The following SMOC1 variants were observed in gnomAD, a reference collection of about 807,000 sequenced individuals.
SMOC1 encodes the protein SPARC-related modular calcium-binding protein 1.
A neutral mutation model predicts 56.3 loss-of-function variants in SMOC1; 22 were observed. That is an observed-to-expected ratio of 0.39 (90% CI 0.28 to 0.56). The LOEUF is 0.56. Ranked by LOEUF, SMOC1 falls within the 20% of genes least tolerant of loss-of-function variation. The pLI, the probability that SMOC1 is intolerant of heterozygous loss-of-function variation, is 0.61. For synonymous variants in SMOC1, 193 were observed against 215.0 expected, an observed-to-expected ratio of 0.90 and a Z score of 0.89; for missense variants, 509 against 565.4, an observed-to-expected ratio of 0.90 and a Z score of 1.01.
At chr14:69,969,439 A>AGAGCAG (rs1016242644) in intron 3 of SMOC1, among the ~76,000 whole-genome samples, 4 of 151,122 alleles carry the variant, frequency 2.6e-5, no homozygotes, top group African/African-American at 4.9e-5. Context: ...TCACATGGCC[A>AGAGCAG]GAGCAGGAGC....
chr14:69,978,596 G>A (rs1884059085), intron 5 of SMOC1, among the ~76,000 whole-genome samples: 1 of 152,146 alleles, frequency 6.6e-6, no homozygotes, highest in Non-Finnish European at 1.5e-5. Flanking sequence ...CTTTTGTGAG[G>A]TGTACTATGT....
At chr14:69,988,249 T>A (rs1268593459) in intron 5 of SMOC1, among the ~76,000 whole-genome samples, 3 of 151,944 alleles carry the variant, frequency 2.0e-5, no homozygotes, top group Non-Finnish European at 4.4e-5. Context: ...TTTGCCTTTT[T>A]TCTCCCTCCC....
At chr14:69,977,577 G>A (rs1884011185) in intron 4 of SMOC1, among the ~76,000 whole-genome samples, 1 of 152,180 alleles carries the variant, frequency 6.6e-6, no homozygotes, top group Non-Finnish European at 1.5e-5. Context: ...GTGAGAAGTT[G>A]GGGAGATGGG....
intron 7 of SMOC1, among the ~76,000 whole-genome samples, chr14:70,010,129 C>T (rs538918324): frequency 6.6e-6 from 1 of 152,322 alleles, no homozygotes; most frequent in East Asian, 1.9e-4. Flanking sequence ...TGTTTTCTCT[C>T]CAATTGGATG....
intron 7 of SMOC1, among the ~76,000 whole-genome samples, chr14:70,000,025 G>C (rs987103043): frequency 6.6e-6 from 1 of 152,158 alleles, no homozygotes; most frequent in African/African-American, 2.4e-5. Flanking sequence ...TTTGGCCTCT[G>C]CTGCTAAGAC....
rs533884994 is a variant in SMOC1 at position 69,879,568 on chromosome 14, G to A, written c.-111G>A. 1.0e-4 allele frequency: 87 copies of A among 837,388 alleles called. No individual in the cohort carries two copies. The African/African-American group carries it at 1.1e-3, about 11-fold the overall frequency. The allele number at this position is 837,388 out of a possible 1,614,324, so 51.9% of individuals were successfully genotyped here. ...AGCCCCCGCCGCAGGACCACGGCCC[G>A]CTCCCCGCCGCCGCGAGGGCCCCGA... On this transcript the variant is annotated 5_prime_UTR_variant, in exon 1 of 12. Coordinates refer to ENST00000361956, the MANE Select transcript of SMOC1 (RefSeq NM_001034852.3).
chr14:69,892,609 G>C (rs796935726), intron 1 of SMOC1, among the ~76,000 whole-genome samples: 1 of 152,034 alleles, frequency 6.6e-6, no homozygotes, highest in East Asian at 1.9e-4. Flanking sequence ...ACCCACATTC[G>C]ACCATGAACC....
At chr14:69,879,846 G>C (rs766805391) in intron 1 of SMOC1, 69 bp downstream of exon 1, 112 of 1,359,074 alleles carry the variant, frequency 8.2e-5, no homozygotes, top group Non-Finnish European at 1.1e-4. Context: ...TCATCCCTGA[G>C]GGAAGGAGGA....
intron 1 of SMOC1, among the ~76,000 whole-genome samples, chr14:69,935,977 C>T (rs1019471102): frequency 2.6e-5 from 4 of 152,148 alleles, no homozygotes; most frequent in African/African-American, 9.7e-5. Flanking sequence ...TGCAAGGAAA[C>T]GAATGCCAGG....
intron 10 of SMOC1, among the ~76,000 whole-genome samples, chr14:70,018,838 A>G (rs1885611577): frequency 6.6e-6 from 1 of 152,200 alleles, no homozygotes; most frequent in South Asian, 2.1e-4. Flanking sequence ...TGGCTTTGCA[A>G]GGAAGAGGCT....
chr14:69,977,768 A>G (rs1012653977), intron 4 of SMOC1, 150 bp from the exon 5 acceptor site: 15 of 722,258 alleles, frequency 2.1e-5, no homozygotes, highest in Non-Finnish European at 3.8e-5. Context: ...GTGTATATGT[A>G]CTAACATTGT....
intron 1 of SMOC1, among the ~76,000 whole-genome samples, chr14:69,889,551 C>T (rs1277197568): frequency 6.6e-6 from 1 of 152,190 alleles, no homozygotes; most frequent in African/African-American, 2.4e-5. Flanking sequence ...TCCTCTGTTC[C>T]CTGATTTGTC....
Position 70,021,711 on chromosome 14 carries a change from T to G in SMOC1, c.1047-1492T>G, listed in dbSNP as rs1885731597. On this transcript the variant is annotated intron_variant, in intron 10 of 11. Transcript: ENST00000361956. Reference sequence around the variant, plus strand: ...TCTAACAGGGATGGATGACTGGCTTTTTTTCCCCCCGCATAATGGAACTTC... The same window carrying G: ...TCTAACAGGGATGGATGACTGGCTTGTTTTCCCCCCGCATAATGGAACTTC... Among the ~76,000 whole-genome samples the G allele has an allele frequency of 4.6e-5, 7 of 151,786 alleles. 1 individual carries two copies. The South Asian group carries it at 1.5e-3, about 32-fold the overall frequency.
intron 1 of SMOC1, among the ~76,000 whole-genome samples, chr14:69,910,007 T>G (rs1212641002): frequency 6.6e-6 from 1 of 152,234 alleles, no homozygotes; most frequent in Non-Finnish European, 1.5e-5. Flanking sequence ...CTGGAGCAGA[T>G]GGTTTCCTCC....
At chr14:69,921,235 T>C (rs948969365) in intron 1 of SMOC1, among the ~76,000 whole-genome samples, 3 of 152,192 alleles carry the variant, frequency 2.0e-5, no homozygotes, top group Admixed American at 2.0e-4. Context: ...CGCCGCAGAC[T>C]TCTGCCTTGG....
chr14:69,949,023 G>C (rs1882897152), intron 1 of SMOC1, among the ~76,000 whole-genome samples: 1 of 152,276 alleles, frequency 6.6e-6, no homozygotes, highest in South Asian at 2.1e-4. Flanking sequence ...GTCAAAAACT[G>C]TTGACCAAGC....
At chr14:69,979,903 C>T (rs1025785309) in intron 5 of SMOC1, among the ~76,000 whole-genome samples, 2 of 152,152 alleles carry the variant, frequency 1.3e-5, no homozygotes, top group African/African-American at 4.8e-5. Flanking sequence ...TTGTATGATG[C>T]TGAATAAAGT....
Position 69,966,616 on chromosome 14 carries a change from C to T in SMOC1, c.379-9099C>T, listed in dbSNP as rs114622442. Among the ~76,000 whole-genome samples the T allele has an allele frequency of 7.7e-3, 1,166 of 152,312 alleles. 12 individuals carry two copies. The highest frequency in any genetic ancestry group is 0.027 in the African/African-American group (1,105 of 41,566). On this transcript the variant is annotated intron_variant, in intron 3 of 11. Transcript: ENST00000361956. ...CAATCCAGGGCTCACGCTCCACTTA[C>T]AGTCTCTACCCAAGTAGTCTTCCAC...
intron 1 of SMOC1, among the ~76,000 whole-genome samples, chr14:69,945,064 G>A (rs1882731581): frequency 1.3e-5 from 2 of 152,244 alleles, no homozygotes; most frequent in South Asian, 2.1e-4. Context: ...CACAGTAAGT[G>A]ACAGAAAAAA....
Sources: allele counts gnomAD v4.1 joint callset (sites outside exome capture counted in the v4.1 genomes callset), GRCh38; gene constraint gnomAD v4.1.1; transcripts MANE v1.5; gene names NCBI Gene and HGNC (gene_info 2026-07-23, HGNC 2026-07-21).